Variants in SSR2 observed in about 807,000 individuals in gnomAD.
The protein encoded by SSR2 is signal sequence receptor subunit 2.
Under a neutral mutation model 22.6 loss-of-function variants are expected in SSR2, and 16 were observed. The observed-to-expected ratio is 0.71, with a 90% confidence interval of 0.48 to 1.08. The LOEUF (loss-of-function observed/expected upper bound fraction) is 1.08, where lower values mean the gene tolerates loss of function less well. Ranked by LOEUF, SSR2 falls within the 50% of genes least tolerant of loss-of-function variation. The pLI, the probability that SSR2 is intolerant of heterozygous loss-of-function variation, is 0.00. For synonymous variants in SSR2, 83 were observed against 91.2 expected, an observed-to-expected ratio of 0.91 and a Z score of 0.51; for missense variants, 171 against 221.6, an observed-to-expected ratio of 0.77 and a Z score of 1.45.
At position 156,020,092 on chromosome 1, in the gene SSR2, A is replaced by G. The variant is rs377705476; in HGVS notation, c.76T>C (p.Ser26Pro). The G allele has an allele frequency of 5.0e-6, 8 of 1,614,046 alleles. 1 individual carries two copies. The highest frequency in any genetic ancestry group is 6.8e-6 in the Non-Finnish European group (8 of 1,180,038). Residue 26 changes from serine to proline, a missense_variant, in exon 2 of 6, where the codon TCC becomes CCC. Ser to Pro is a moderately conservative substitution (Grantham distance 74). Coordinates refer to ENST00000295702, the MANE Select transcript of SSR2 (RefSeq NM_003145.4). ...GCGTATCTGTTCAGCAGTGATTTGGAAGCCAAAAGCCTGGCTCCTTCCTCT... is the reference window on the plus strand; with the variant it reads ...GCGTATCTGTTCAGCAGTGATTTGGGAGCCAAAAGCCTGGCTCCTTCCTCT... Reference protein sequence around the residue: ...QAEEGARLLASKSLLNRYAVE... With the variant: ...QAEEGARLLAPKSLLNRYAVE...
At chr1:156,018,927 C>T (rs1304064577) in intron 2 of SSR2, among the ~76,000 whole-genome samples, 3 of 151,666 alleles carry the variant, frequency 2.0e-5, no homozygotes, top group Non-Finnish European at 2.9e-5. Context: ...CCCAGCTACT[C>T]GGGAGGCTGA....
chr1:156,016,589 C>G (rs28568795), intron 3 of SSR2, among the ~76,000 whole-genome samples: 1 of 149,634 alleles, frequency 6.7e-6, no homozygotes, highest in East Asian at 2.0e-4. Context: ...ATTGAAAATA[C>G]AAAAAAAAAA....
intron 1 of SSR2, 146 bp from the exon 2 acceptor site, chr1:156,020,313 G>C (rs1361284252): frequency 1.3e-6 from 1 of 768,418 alleles, no homozygotes; most frequent in African/African-American, 1.8e-5. Flanking sequence ...CACCAGAGCA[G>C]ACCCGTTCTC....
chr1:156,018,046 G>A, intron 3 of SSR2: 1 of 384,690 alleles, frequency 2.6e-6, no homozygotes, highest in Non-Finnish European at 4.8e-6. Flanking sequence ...ACCGTGCCCA[G>A]CTTGTTTCAG....
intron 4 of SSR2, 39 bp downstream of exon 4, chr1:156,014,922 G>A: frequency 6.6e-7 from 1 of 1,526,126 alleles, no homozygotes; most frequent in Non-Finnish European, 9.1e-7. Context: ...AGGGAAGGCA[G>A]ATCCAAATTC....
chr1:156,020,187 G>A lies in SSR2; in HGVS notation c.1-20C>T, dbSNP rs768370244. On this transcript the variant is annotated intron_variant, in intron 1 of 5. Coordinates refer to ENST00000295702, the MANE Select transcript of SSR2 (RefSeq NM_003145.4). ...CCTCATCTTTAGAGAAAAAAGCAAAGTGAGTTATCAAACCAAGTACGTCAA... is the reference window on the plus strand; with the variant it reads ...CCTCATCTTTAGAGAAAAAAGCAAAATGAGTTATCAAACCAAGTACGTCAA... 17 of 1,612,446 alleles carry A rather than the reference G, an allele frequency of 1.1e-5. No individual in the cohort carries two copies. The highest frequency in any genetic ancestry group is 1.6e-4 in the Middle Eastern group (1 of 6,078).
At chr1:156,012,609 TAGA>T (rs1334532418) in intron 4 of SSR2, 1 of 455,380 alleles carries the variant, frequency 2.2e-6, no homozygotes, top group Non-Finnish European at 4.4e-6. Flanking sequence ...CCGCTAGGTT[TAGA>T]AGAATATGGT....
intron 2 of SSR2, 28 bp from the exon 3 acceptor site, chr1:156,018,396 T>G: frequency 6.4e-7 from 1 of 1,573,784 alleles, no homozygotes; most frequent in Non-Finnish European, 8.7e-7. Context: ...CAAAAAGGGT[T>G]AGTAAGTAAT....
intron 2 of SSR2, chr1:156,019,222 TA>T: frequency 2.2e-6 from 1 of 451,946 alleles, no homozygotes; most frequent in Non-Finnish European, 4.4e-6. Flanking sequence ...CAGGAGGCAA[TA>T]GGTCCAAGTT....
chr1:156,012,516 C>T (rs1402298821), intron 4 of SSR2: 1 of 456,094 alleles, frequency 2.2e-6, no homozygotes, highest in Non-Finnish European at 4.4e-6. Context: ...GATTTTATGT[C>T]TATTAACCCA....
intron 5 of SSR2, chr1:156,010,722 A>G (rs1006212271): frequency 6.6e-6 from 1 of 152,242 alleles, no homozygotes; most frequent in African/African-American, 2.4e-5. Flanking sequence ...CAAGCCACCT[A>G]TGATCTAACC....
At chr1:156,011,930 T>C (rs912770721) in intron 4 of SSR2, 43 bp from the exon 5 acceptor site, 2 of 1,522,656 alleles carry the variant, frequency 1.3e-6, no homozygotes, top group Non-Finnish European at 1.8e-6. Context: ...GTCCACCTCA[T>C]GAAGTTCCAC....
At chr1:156,012,690 T>A in intron 4 of SSR2, 2 of 426,106 alleles carry the variant, frequency 4.7e-6, no homozygotes, top group South Asian at 3.4e-5. Context: ...CATTCTATGG[T>A]TGACTGTGTT....
At chr1:156,018,898 G>A (rs970976079) in intron 2 of SSR2, among the ~76,000 whole-genome samples, 3 of 151,658 alleles carry the variant, frequency 2.0e-5, no homozygotes, top group African/African-American at 7.3e-5. Context: ...AGCCAGGCAT[G>A]GTGGTATGCG....
At chr1:156,017,998 T>C in intron 3 of SSR2, 1 of 251,846 alleles carries the variant, frequency 4.0e-6, no homozygotes, top group South Asian at 5.1e-5. Context: ...TCCACCCACC[T>C]CGGCCTCCCA....
intron 3 of SSR2, among the ~76,000 whole-genome samples, chr1:156,017,355 CTTTTT>C (rs887877479): frequency 5.3e-5 from 8 of 151,926 alleles, no homozygotes; most frequent in Non-Finnish European, 1.2e-4. Flanking sequence ...CAGTGAATTT[CTTTTT>C]TTTATTTTTG....
intron 4 of SSR2, chr1:156,013,245 G>A (rs538913354): frequency 5.3e-5 from 8 of 151,688 alleles, no homozygotes; most frequent in African/African-American, 1.7e-4. Flanking sequence ...GGCCAATATG[G>A]TGAAACCCCA....
At position 156,020,001 on chromosome 1, in the gene SSR2, GCCTCGAGTTA is replaced by G; in HGVS notation, c.155+2_155+11del. 1 of 1,610,394 alleles carries G rather than the reference GCCTCGAGTTA, an allele frequency of 6.2e-7. No individual in the cohort carries two copies. Among genetic ancestry groups the G allele is most frequent in the Non-Finnish European group, 8.5e-7 (1 of 1,177,450 alleles). ...AATAGGCTTAATCTGTAACTCTAGGGCCTCGAGTTACCTTGAGCCAACATTGTAGATGTTG... is the reference window on the plus strand; with the variant it reads ...AATAGGCTTAATCTGTAACTCTAGGGCCTTGAGCCAACATTGTAGATGTTG... On this transcript the variant is annotated splice_donor_variant and splice_donor_5th_base_variant and intron_variant, in intron 2 of 5. Transcript: ENST00000295702. LOFTEE classifies it high-confidence loss of function.
Position 156,011,698 on chromosome 1 carries a change from C to T in SSR2, c.441+112G>A, listed in dbSNP as rs1475766. ...TATCTATATCAGACACCAAAAAACA[C>T]ACAGGGCAAGAACCAACCAACAAAA... On this transcript the variant is annotated intron_variant, in intron 5 of 5. Coordinates refer to ENST00000295702, the MANE Select transcript of SSR2 (RefSeq NM_003145.4). 2.8e-5 allele frequency: 23 copies of T among 821,132 alleles called. No homozygotes were observed. The Admixed American group carries it at 4.2e-4, about 15-fold the overall frequency. 50.9% of individuals were successfully genotyped at this position (821,132 alleles called of 1,614,324 possible).
Sources: gnomAD v4.1 joint callset for allele counts (sites outside exome capture counted in the v4.1 genomes callset) on GRCh38, gnomAD v4.1.1 for gene constraint, MANE v1.5 for transcripts, NCBI Gene and HGNC (gene_info 2026-07-23, HGNC 2026-07-21) for gene names.